Variants in CXXC5 observed in about 807,000 individuals in gnomAD.
CXXC5 encodes CXXC finger protein 5.
A neutral mutation model predicts 17.6 loss-of-function variants in CXXC5; 2 were observed. That is an observed-to-expected ratio of 0.11 (90% CI 0.05 to 0.36). The LOEUF is 0.36. Ranked by LOEUF, CXXC5 falls within the 10% of genes least tolerant of loss-of-function variation. The pLI is 1.00. For missense variants in CXXC5, 343 were observed against 458.3 expected (o/e 0.75, Z 2.30); for synonymous variants, 171 against 193.0 (o/e 0.89, Z 0.94).
intron 1 of CXXC5, among the ~76,000 whole-genome samples, chr5:139,664,266 G>A (rs1172781864): frequency 6.6e-6 from 1 of 152,156 alleles, no homozygotes; most frequent in Non-Finnish European, 1.5e-5. Context: ...CTGCAGACAG[G>A]TTCTGGGAAA....
chr5:139,657,042 T>C (rs918468030), intron 1 of CXXC5, among the ~76,000 whole-genome samples: 2 of 152,214 alleles, frequency 1.3e-5, no homozygotes, highest in Non-Finnish European at 2.9e-5. Context: ...ATTGTTGTAA[T>C]AGATTGTAAC....
At chr5:139,669,051 G>C (rs1185958235) in intron 1 of CXXC5, among the ~76,000 whole-genome samples, 2 of 152,328 alleles carry the variant, frequency 1.3e-5, no homozygotes, top group East Asian at 3.9e-4. Context: ...CTGGATGCCA[G>C]TGGCCAGCCT....
Position 139,680,828 on chromosome 5 carries a change from C to T in CXXC5, c.305C>T (p.Ala102Val), listed in dbSNP as rs758025785. ...GGCAGCATGATGGGCGGAGAGTCTG[C>T]TGACAAGGCCACTGCGGCTGCAGCC... ...GGGSMMGGESADKATAAAAAA... is the reference protein window; with the variant it reads ...GGGSMMGGESVDKATAAAAAA... Residue 102 changes from alanine to valine, a missense_variant, in exon 2 of 3, where the codon GCT becomes GTT. By Grantham distance (64) the Ala-to-Val change is moderately conservative. Around this residue, in one of 4 missense-constraint regions of CXXC5, gnomAD observed 297 missense variants for 363.4 expected, o/e 0.82. Transcript: ENST00000302517. 8.7e-6 allele frequency: 14 copies of T among 1,612,030 alleles called. No homozygotes were observed. The highest frequency in any genetic ancestry group is 1.7e-5 in the Admixed American group (1 of 60,010).
Position 139,680,685 on chromosome 5 carries a change from A to AC in CXXC5, c.168dup (p.Glu57ArgfsTer11), listed in dbSNP as rs756380231. The AC allele has an allele frequency of 1.2e-6, 2 of 1,612,768 alleles. No homozygotes were observed. On this transcript the variant is annotated frameshift_variant, in exon 2 of 3. Transcript: ENST00000302517. LOFTEE classifies it high-confidence loss of function. The stretch of plus-strand genomic sequence containing the variant: ...CAGCCTCAGTGGCAGATGACACACC[A>AC]CCCCCCGAGCGTCGGAACAAGAGCG...
chr5:139,678,509 C>T (rs1288184226), intron 1 of CXXC5, among the ~76,000 whole-genome samples: 6 of 152,182 alleles, frequency 3.9e-5, no homozygotes, highest in African/African-American at 1.2e-4. Context: ...GTCTGGTGCC[C>T]ACTGGGGAGG....
chr5:139,676,192 C>T (rs1043240842), intron 1 of CXXC5, among the ~76,000 whole-genome samples: 5 of 126,232 alleles, frequency 4.0e-5, no homozygotes, highest in African/African-American at 1.2e-4. Context: ...TCCCCACCTC[C>T]CCCCAAGCCC....
At chr5:139,654,315 T>C (rs1223244585) in intron 1 of CXXC5, among the ~76,000 whole-genome samples, 1 of 152,256 alleles carries the variant, frequency 6.6e-6, no homozygotes, top group Non-Finnish European at 1.5e-5. Context: ...CCATCAGATC[T>C]GACTCCAAAT....
chr5:139,680,323 G>A (rs1757108282), intron 1 of CXXC5, 41 bp from the exon 2 acceptor site: 2 of 665,058 alleles, frequency 3.0e-6, no homozygotes, highest in Non-Finnish European at 5.0e-6. Flanking sequence ...TGAAGGGGGA[G>A]GTGTTCACTG....
At chr5:139,678,120 G>T (rs530752043) in intron 1 of CXXC5, among the ~76,000 whole-genome samples, 67 of 152,366 alleles carry the variant, frequency 4.4e-4, no homozygotes, top group Non-Finnish European at 1.5e-5. Flanking sequence ...TATCTGGGCT[G>T]CCGGGGTTGT....
Position 139,683,020 on chromosome 5 carries a change from T to C in CXXC5, c.*113T>C, listed in dbSNP as rs1027962851. 2.4e-6 allele frequency: 2 copies of C among 838,328 alleles called. No individual in the cohort carries two copies. Among genetic ancestry groups the C allele is most frequent in the African/African-American group, 1.8e-5 (1 of 56,624 alleles). The allele number at this position is 838,328 out of a possible 1,614,324, so 51.9% of individuals were successfully genotyped here. A position where few individuals can be genotyped will look rare whatever the true frequency, so the allele number is the denominator to read the frequency against. On this transcript the variant is annotated 3_prime_UTR_variant, in exon 3 of 3. Transcript: ENST00000302517. ...GCACCCGTCTTTAGAACCAAAAATA[T>C]TCTCTCACAGATTTCATTCCTGTTT...
chr5:139,663,243 G>A lies in CXXC5; in HGVS notation c.-161+14398G>A, dbSNP rs1755919367. ...CAGAGAGAGCCGACTGTAGTTTCAA[G>A]GCTTTCTCTGTCTCCCACCCCCTAT... On this transcript the variant is annotated intron_variant, in intron 1 of 2. Coordinates refer to ENST00000302517, the MANE Select transcript of CXXC5 (RefSeq NM_016463.9). This position sits in a 1 kb window ranked among gnomAD's most constrained non-coding sequence, Gnocchi z 4.2. Among the ~76,000 whole-genome samples the A allele has an allele frequency of 6.6e-6, 1 of 152,152 alleles. No homozygotes were observed. The highest frequency in any genetic ancestry group is 1.5e-5 in the Non-Finnish European group (1 of 68,034).
intron 1 of CXXC5, among the ~76,000 whole-genome samples, chr5:139,672,422 G>A (rs913190948): frequency 7.2e-5 from 11 of 152,228 alleles, no homozygotes; most frequent in African/African-American, 2.7e-4. Flanking sequence ...GCCAGGGCCT[G>A]CTGTTTATTT....
rs186812838 is a variant in CXXC5 at position 139,670,198 on chromosome 5, G to C, written c.-160-10166G>C. On this transcript the variant is annotated intron_variant, in intron 1 of 2. Coordinates refer to ENST00000302517, the MANE Select transcript of CXXC5 (RefSeq NM_016463.9). This position sits in a 1 kb window ranked among gnomAD's most constrained non-coding sequence, Gnocchi z 4.2. Reference sequence around the variant, plus strand: ...CCTCCTCCTCAGCCTCCCGCCTCTCGCCTGCCTCCCCCACGCCTCTGCAGG... The same window carrying C: ...CCTCCTCCTCAGCCTCCCGCCTCTCCCCTGCCTCCCCCACGCCTCTGCAGG... Among the ~76,000 whole-genome samples the C allele has an allele frequency of 1.2e-4, 19 of 152,128 alleles. No homozygotes were observed. The highest frequency in any genetic ancestry group is 4.6e-4 in the African/African-American group (19 of 41,412).
At chr5:139,653,969 C>G (rs372122430) in intron 1 of CXXC5, among the ~76,000 whole-genome samples, 1 of 152,306 alleles carries the variant, frequency 6.6e-6, no homozygotes, top group East Asian at 1.9e-4. Context: ...TGGGGACCAA[C>G]AAGACAGGGC....
chr5:139,655,914 C>T (rs779005443), intron 1 of CXXC5, among the ~76,000 whole-genome samples: 2 of 152,200 alleles, frequency 1.3e-5, no homozygotes, highest in African/African-American at 2.4e-5. Context: ...GTGGCTGGGA[C>T]GCCCCAGCTA....
intron 1 of CXXC5, among the ~76,000 whole-genome samples, chr5:139,652,226 A>G (rs1157225357): frequency 2.7e-5 from 4 of 146,950 alleles, no homozygotes; most frequent in African/African-American, 5.0e-5. Context: ...AGTGTCCTTG[A>G]TTAAGTGTAT....
chr5:139,656,227 T>TC (rs1755491287), intron 1 of CXXC5, among the ~76,000 whole-genome samples: 1 of 152,216 alleles, frequency 6.6e-6, no homozygotes, highest in Non-Finnish European at 1.5e-5. Flanking sequence ...GGGCCTGTAA[T>TC]CCGATGGCCA....
At chr5:139,660,287 G>A (rs1755721437) in intron 1 of CXXC5, among the ~76,000 whole-genome samples, 2 of 152,198 alleles carry the variant, frequency 1.3e-5, no homozygotes, top group South Asian at 4.1e-4. Context: ...GCAGGAATCC[G>A]GGTTGTGCCC....
chr5:139,666,344 G>C (rs1281201227), intron 1 of CXXC5, among the ~76,000 whole-genome samples: 1 of 152,108 alleles, frequency 6.6e-6, no homozygotes. Context: ...TGTGCCTGTG[G>C]GAGCTTCCCC....
Sources: gnomAD v4.1 joint callset for allele counts (sites outside exome capture counted in the v4.1 genomes callset) on GRCh38, gnomAD v4.1.1 for gene constraint, gnomAD v4.1.1 regional missense constraint, Gnocchi (gnomAD v3.1) non-coding constraint, MANE v1.5 for transcripts, NCBI Gene and HGNC (gene_info 2026-07-23, HGNC 2026-07-21) for gene names.